Variants in DLG2 observed in about 807,000 individuals in gnomAD.
DLG2 encodes disks large homolog 2.
A neutral mutation model predicts 132.5 loss-of-function variants in DLG2; 45 were observed. The observed-to-expected ratio is 0.34, with a 90% CI of 0.27 to 0.44. DLG2 has a LOEUF of 0.44. Ranked by LOEUF, DLG2 falls within the 20% of genes least tolerant of loss-of-function variation. The pLI is 1.00. For synonymous variants in DLG2, 424 were observed against 419.6 expected (o/e 1.01, Z -0.13); for missense variants, 1,045 against 1,196.9 (o/e 0.87, Z 1.87).
intron 3 of DLG2, among the ~76,000 whole-genome samples, chr11:85,380,404 A>C (rs1007341899): frequency 1.3e-5 from 2 of 152,202 alleles, no homozygotes; most frequent in Non-Finnish European, 2.9e-5. Flanking sequence ...CATGCCTGTA[A>C]TTCCAGCACT....
At chr11:83,803,421 T>C (rs996792083) in intron 17 of DLG2, among the ~76,000 whole-genome samples, 1 of 152,094 alleles carries the variant, frequency 6.6e-6, no homozygotes, top group Non-Finnish European at 1.5e-5. Context: ...TCAGGCATAG[T>C]GAAAAAATGT....
chr11:85,354,720 G>A (rs1008797662), intron 3 of DLG2, among the ~76,000 whole-genome samples: 2 of 151,340 alleles, frequency 1.3e-5, no homozygotes, highest in East Asian at 1.9e-4. Context: ...GATTTCCAAC[G>A]TCACTGTTTC....
chr11:84,249,511 A>T (rs1228978934), intron 8 of DLG2, among the ~76,000 whole-genome samples: 3 of 152,218 alleles, frequency 2.0e-5, no homozygotes, highest in African/African-American at 7.2e-5. Flanking sequence ...TGAACCAGTT[A>T]CTTGACCTCT....
chr11:83,986,370 C>G (rs1400629079), intron 11 of DLG2, among the ~76,000 whole-genome samples: 1 of 151,934 alleles, frequency 6.6e-6, no homozygotes, highest in Non-Finnish European at 1.5e-5. Flanking sequence ...TCATCCATGT[C>G]CCTACAAAGG....
At position 83,637,707 on chromosome 11, in the gene DLG2, G is replaced by C. The variant is rs148344773; in HGVS notation, c.1826-4382C>G. On this transcript the variant is annotated intron_variant, in intron 18 of 27. Transcript: ENST00000376104. Reference sequence around the variant, plus strand: ...CTCAATTCTCCACCCTTCCCCTCTTGACATCTTGCTCTTCTTCCCTTCATC... The same window carrying C: ...CTCAATTCTCCACCCTTCCCCTCTTCACATCTTGCTCTTCTTCCCTTCATC... Among the ~76,000 whole-genome samples, 140 of 152,240 alleles carry C rather than the reference G, an allele frequency of 9.2e-4. 1 individual carries two copies. The highest frequency in any genetic ancestry group is 8.5e-3 in the South Asian group (41 of 4,822).
At position 85,197,358 on chromosome 11, in the gene DLG2, ATATT is replaced by A. The variant is rs894745049; in HGVS notation, c.187-42711_187-42708del. 3.4e-4 allele frequency among the ~76,000 whole-genome samples: 52 copies of A among 152,322 alleles called. 2 individuals carry two copies. Among genetic ancestry groups the A allele is most frequent in the African/African-American group, 1.0e-3 (43 of 41,582 alleles). The stretch of plus-strand genomic sequence containing the variant: ...GAAACACTTTTAAAGAACAATGCAC[ATATT>A]TATAGATACAGAAAACTTTGCATAA... On this transcript the variant is annotated intron_variant, in intron 4 of 27. Coordinates refer to ENST00000376104, the MANE Select transcript of DLG2 (RefSeq NM_001142699.3).
intron 6 of DLG2, among the ~76,000 whole-genome samples, chr11:84,919,870 C>G (rs1288367028): frequency 1.3e-5 from 2 of 152,136 alleles, no homozygotes; most frequent in Non-Finnish European, 2.9e-5. Flanking sequence ...CAGATGGAAA[C>G]TGAACTGTGT....
At chr11:85,298,299 G>C (rs1014686366) in intron 3 of DLG2, among the ~76,000 whole-genome samples, 1 of 152,068 alleles carries the variant, frequency 6.6e-6, no homozygotes, top group Non-Finnish European at 1.5e-5. Context: ...GATAAATATA[G>C]ATATTAATAT....
chr11:83,991,089 A>G (rs2093685794), intron 11 of DLG2, among the ~76,000 whole-genome samples: 1 of 152,200 alleles, frequency 6.6e-6, no homozygotes, highest in African/African-American at 2.4e-5. Context: ...CAAATACCAA[A>G]AAAAAGTATG....
intron 12 of DLG2, among the ~76,000 whole-genome samples, chr11:83,972,363 T>C (rs553419184): frequency 6.6e-6 from 1 of 152,158 alleles, no homozygotes; most frequent in Non-Finnish European, 1.5e-5. Flanking sequence ...AATAATACCA[T>C]GAAGTTGAAA....
chr11:84,936,253 C>G (rs1413314372), intron 6 of DLG2, among the ~76,000 whole-genome samples: 5 of 151,956 alleles, frequency 3.3e-5, no homozygotes, highest in African/African-American at 9.7e-5. Context: ...GTTATATAAA[C>G]TTTTACTATA....
At chr11:85,335,202 C>T (rs551940) in intron 3 of DLG2, among the ~76,000 whole-genome samples, 125,135 of 151,864 alleles carry the variant, frequency 0.82, 51,957 homozygotes, top group Middle Eastern at 0.89. Context: ...ATTAAAGTCA[C>T]TTTGTGTGAA....
chr11:84,217,185 G>C (rs967807886), intron 8 of DLG2, among the ~76,000 whole-genome samples: 1 of 152,152 alleles, frequency 6.6e-6, no homozygotes, highest in African/African-American at 2.4e-5. Context: ...AAAGAAGCCA[G>C]AAATAAGGTG....
intron 8 of DLG2, among the ~76,000 whole-genome samples, chr11:84,196,923 G>A (rs995207966): frequency 6.6e-6 from 1 of 151,148 alleles, no homozygotes; most frequent in Admixed American, 6.6e-5. Context: ...TGTAATCCCA[G>A]CTACAAGGGA....
At chr11:85,199,195 A>G (rs1356484131) in intron 4 of DLG2, among the ~76,000 whole-genome samples, 1 of 152,220 alleles carries the variant, frequency 6.6e-6, no homozygotes, top group Non-Finnish European at 1.5e-5. Flanking sequence ...TATTTATATA[A>G]TGTAATACTA....
At chr11:83,793,118 G>T (rs1159558219) in intron 17 of DLG2, among the ~76,000 whole-genome samples, 6 of 151,594 alleles carry the variant, frequency 4.0e-5, no homozygotes, top group African/African-American at 1.5e-4. Context: ...TTTTGTTGTT[G>T]TTGTTTAGGC....
At chr11:83,966,347 A>T (rs1459884266) in intron 12 of DLG2, among the ~76,000 whole-genome samples, 1 of 151,992 alleles carries the variant, frequency 6.6e-6, no homozygotes, top group Non-Finnish European at 1.5e-5. Context: ...GAGTCTATTC[A>T]GAACACGTCT....
At chr11:84,805,112 T>A (rs941093190) in intron 6 of DLG2, among the ~76,000 whole-genome samples, 1 of 152,090 alleles carries the variant, frequency 6.6e-6, no homozygotes, top group East Asian at 1.9e-4. Flanking sequence ...AGAGGCCACA[T>A]GCACAGTAGC....
chr11:84,994,385 T>C (rs1222546891), intron 6 of DLG2, among the ~76,000 whole-genome samples: 1 of 152,084 alleles, frequency 6.6e-6, no homozygotes, highest in Admixed American at 6.5e-5. Flanking sequence ...GGGAAAATGG[T>C]GCTACATACA....
Sources: allele counts gnomAD v4.1 joint callset (sites outside exome capture counted in the v4.1 genomes callset), GRCh38; gene constraint gnomAD v4.1.1; transcripts MANE v1.5; gene names NCBI Gene and HGNC (gene_info 2026-07-23, HGNC 2026-07-21).